The following AFG2A variants were observed in gnomAD, a reference collection of about 807,000 sequenced individuals.
AFG2A encodes the protein AAA ATPase AFG2A, also known as ATPase family gene 2 protein homolog A.
chr4:123,312,341 T>C, the AFG2A span, among the ~76,000 whole-genome samples: 1 of 152,220 alleles, frequency 6.6e-6, no homozygotes, highest in African/African-American at 2.4e-5. Context: ...GGAAATGTAG[T>C]GCTCTTTGCC....
At chr4:123,061,775 C>G in the AFG2A span, among the ~76,000 whole-genome samples, 1 of 152,152 alleles carries the variant, frequency 6.6e-6, no homozygotes, top group Non-Finnish European at 1.5e-5. Context: ...TTATTACTTA[C>G]GTTTTAAGAT....
chr4:122,978,627 C>T, the AFG2A span, among the ~76,000 whole-genome samples: 17 of 152,182 alleles, frequency 1.1e-4, no homozygotes, highest in Non-Finnish European at 1.8e-4. Flanking sequence ...GCCTCTCTGC[C>T]TCCTGCTGCC....
the AFG2A span, among the ~76,000 whole-genome samples, chr4:123,080,527 A>G: frequency 1.3e-5 from 2 of 151,922 alleles, no homozygotes; most frequent in East Asian, 1.9e-4. Flanking sequence ...TCCTGTACCT[A>G]AAATACTGGT....
chr4:123,275,836 G>A, the AFG2A span, among the ~76,000 whole-genome samples: 1 of 152,172 alleles, frequency 6.6e-6, no homozygotes, highest in South Asian at 2.1e-4. Flanking sequence ...TGTTTTTTAT[G>A]GCTGCGTAGT....
chr4:122,934,412 G>C, the AFG2A span: 1 of 1,614,098 alleles, frequency 6.2e-7, no homozygotes, highest in East Asian at 2.2e-5. Flanking sequence ...GTTACACAGA[G>C]CCCTGGAGAT....
chr4:123,244,650 C>G, the AFG2A span, among the ~76,000 whole-genome samples: 1 of 152,196 alleles, frequency 6.6e-6, no homozygotes, highest in African/African-American at 2.4e-5. Flanking sequence ...TTACATTTAC[C>G]ATATCATCCA....
the AFG2A span, among the ~76,000 whole-genome samples, chr4:123,298,394 G>T: frequency 1.3e-3 from 196 of 152,288 alleles, 2 homozygotes; most frequent in East Asian, 0.032. Flanking sequence ...CTTCCAGCTG[G>T]TCCGCTGAGG....
At chr4:123,006,839 T>G in the AFG2A span, among the ~76,000 whole-genome samples, 506 of 152,218 alleles carry the variant, frequency 3.3e-3, 2 homozygotes, top group Admixed American at 7.0e-3. Flanking sequence ...CAGTTTCAAT[T>G]TATTGGTTTT....
At chr4:123,041,101 T>C in the AFG2A span, among the ~76,000 whole-genome samples, 1 of 151,244 alleles carries the variant, frequency 6.6e-6, no homozygotes, top group Non-Finnish European at 1.5e-5. Context: ...TTTTTTATAA[T>C]TTTTTATTTA....
the AFG2A span, among the ~76,000 whole-genome samples, chr4:123,250,925 CTCAT>C: frequency 6.6e-6 from 1 of 152,078 alleles, no homozygotes; most frequent in African/African-American, 2.4e-5. Flanking sequence ...AGGGTGTTTA[CTCAT>C]TCAGAGTTCT....
At chr4:123,309,980 A>G in the AFG2A span, among the ~76,000 whole-genome samples, 1 of 152,226 alleles carries the variant, frequency 6.6e-6, no homozygotes, top group African/African-American at 2.4e-5. Flanking sequence ...ATTATATCAT[A>G]TCTTGGAACT....
chr4:123,085,675 G>T, the AFG2A span, among the ~76,000 whole-genome samples: 1 of 152,130 alleles, frequency 6.6e-6, no homozygotes, highest in East Asian at 1.9e-4. Context: ...TTTAATTGGT[G>T]CATTTAGGCC....
chr4:123,098,417 C>T, the AFG2A span, among the ~76,000 whole-genome samples: 2 of 151,894 alleles, frequency 1.3e-5, no homozygotes, highest in Admixed American at 1.3e-4. Flanking sequence ...TTTAAGTATA[C>T]AATATATTGT....
the AFG2A span, among the ~76,000 whole-genome samples, chr4:123,160,048 A>G: frequency 6.6e-6 from 1 of 151,392 alleles, no homozygotes; most frequent in Non-Finnish European, 1.5e-5. Flanking sequence ...TGTTGTTCAG[A>G]GACTCCTTCT....
chr4:123,125,874 G>A, the AFG2A span, among the ~76,000 whole-genome samples: 3 of 151,900 alleles, frequency 2.0e-5, no homozygotes, highest in South Asian at 2.1e-4. Context: ...TACTCTTCTG[G>A]TTGAGTTATT....
chr4:122,993,063 G>A, the AFG2A span, among the ~76,000 whole-genome samples: 3 of 151,890 alleles, frequency 2.0e-5, no homozygotes, highest in South Asian at 6.3e-4. Context: ...TCAGCTTACT[G>A]CAGCCTTCAC....
the AFG2A span, among the ~76,000 whole-genome samples, chr4:123,148,571 T>C: frequency 6.6e-6 from 1 of 152,192 alleles, no homozygotes; most frequent in African/African-American, 2.4e-5. Context: ...TTTCTGCCAG[T>C]ATGGCTTACT....
At chr4:123,282,904 T>C in the AFG2A span, among the ~76,000 whole-genome samples, 4 of 152,184 alleles carry the variant, frequency 2.6e-5, no homozygotes, top group South Asian at 8.3e-4. Flanking sequence ...CAGGATGTTT[T>C]ATAAGATTTT....
At chr4:122,947,691 A>G in the AFG2A span, among the ~76,000 whole-genome samples, 990 of 152,314 alleles carry the variant, frequency 6.5e-3, 13 homozygotes, top group African/African-American at 0.023. Context: ...AAATCACTCA[A>G]TCCTACCTCT....
Sources: allele counts gnomAD v4.1 joint callset (sites outside exome capture counted in the v4.1 genomes callset), GRCh38; gene constraint gnomAD v4.1.1; transcripts MANE v1.5; gene names NCBI Gene and HGNC (gene_info 2026-07-23, HGNC 2026-07-21).